PRMT7: variants seen among roughly 807,000 people sequenced by gnomAD.
PRMT7 encodes the protein protein arginine methyltransferase 7.
A neutral mutation model predicts 85.4 loss-of-function variants in PRMT7; 75 were observed. The observed-to-expected ratio is 0.88, with a 90% confidence interval of 0.73 to 1.06. The LOEUF is 1.06. Ranked by LOEUF, PRMT7 falls within the 50% of genes least tolerant of loss-of-function variation. PRMT7 has a pLI of 0.00. For synonymous variants in PRMT7, 397 were observed against 359.5 expected (o/e 1.10, Z -1.18); for missense variants, 868 against 915.2 (o/e 0.95, Z 0.67).
In PRMT7 at chr16:68,352,345, T is replaced by A. The variant is rs1369357186; in HGVS notation, c.1511T>A (p.Leu504Gln). 6.2e-7 allele frequency: 1 copy of A among 1,611,846 alleles called. No homozygotes were observed. Among genetic ancestry groups the A allele is most frequent in the Admixed American group, 1.7e-5 (1 of 60,016 alleles). ...GTGCGGACCGCTGTGGACCAGCACC[T>A]GGGGCCAGGTGCCATGGTGATGCCC... ...WYVRTAVDQH[L>Q]GPGAMVMPQA... Residue 504 changes from leucine (L) to glutamine (Q), a missense_variant, in exon 15 of 19, where the codon CTG becomes CAG. By Grantham distance (113) the Leu-to-Gln change is moderately radical. Coordinates refer to ENST00000441236, the MANE Select transcript of PRMT7 (RefSeq NM_019023.5).
intron 6 of PRMT7, among the ~76,000 whole-genome samples, chr16:68,330,934 A>G (rs2083793542): frequency 6.6e-6 from 1 of 152,156 alleles, no homozygotes; most frequent in South Asian, 2.1e-4. Context: ...GAGTGCTCAA[A>G]TCATTCCATT....
At position 68,358,419 on chromosome 16, in the gene PRMT7, T is replaced by TCAGG. The variant is rs1190862005; in HGVS notation, c.*1196_*1199dup. The TCAGG allele has an allele frequency of 6.5e-6, 1 of 152,716 alleles. No individual in the cohort carries two copies. The highest frequency in any genetic ancestry group is 1.5e-5 in the Non-Finnish European group (1 of 68,040). 9.5% of individuals were successfully genotyped at this position (152,716 alleles called of 1,614,324 possible). ...ACACCTCTCTTCGCAAAATATTTTA[T>TCAGG]CAGGTGTAAAGACTTGTTTTTCTTC... On this transcript the variant is annotated 3_prime_UTR_variant, in exon 19 of 19. Transcript: ENST00000441236.
chr16:68,335,998 A>G (rs1567685854), intron 6 of PRMT7, among the ~76,000 whole-genome samples: 1 of 151,990 alleles, frequency 6.6e-6, no homozygotes, highest in Non-Finnish European at 1.5e-5. Context: ...GTTGGTTTCA[A>G]ACTTCTGACC....
At chr16:68,330,352 G>A (rs2151581018) in intron 6 of PRMT7, among the ~76,000 whole-genome samples, 1 of 152,090 alleles carries the variant, frequency 6.6e-6, no homozygotes, top group Admixed American at 6.5e-5. Context: ...GTGGAGATAG[G>A]GTCTTACTAT....
intron 16 of PRMT7, 86 bp from the exon 17 acceptor site, chr16:68,355,637 A>G (rs1028689965): frequency 9.9e-5 from 133 of 1,342,708 alleles, no homozygotes; most frequent in Non-Finnish European, 1.3e-4. Flanking sequence ...TTGTGACTGC[A>G]GTCAGTGGGA....
intron 3 of PRMT7, among the ~76,000 whole-genome samples, chr16:68,317,112 C>T: frequency 6.6e-6 from 1 of 151,510 alleles, no homozygotes; most frequent in Non-Finnish European, 1.5e-5. Flanking sequence ...GTGGTGGGCG[C>T]CTGTAATCCC....
chr16:68,351,373 T>C (rs2087318808), intron 14 of PRMT7: 2 of 142,132 alleles, frequency 1.4e-5, no homozygotes, highest in African/African-American at 5.1e-5. Flanking sequence ...ACCCGGACTC[T>C]TTCTGCACTC....
chr16:68,333,519 C>T (rs914246076), intron 6 of PRMT7, among the ~76,000 whole-genome samples: 6 of 151,914 alleles, frequency 3.9e-5, no homozygotes, highest in Admixed American at 1.3e-4. Flanking sequence ...AACTAGGTCT[C>T]GCTTTGTTTC....
chr16:68,339,730 T>TA, intron 8 of PRMT7, 58 bp from the exon 9 acceptor site: 1 of 1,588,820 alleles, frequency 6.3e-7, no homozygotes, highest in Non-Finnish European at 8.6e-7. Flanking sequence ...TGTAAAAGCT[T>TA]AAAAAATGGA....
chr16:68,312,488 G>A (rs1486899483), intron 2 of PRMT7, among the ~76,000 whole-genome samples: 1 of 151,934 alleles, frequency 6.6e-6, no homozygotes, highest in Non-Finnish European at 1.5e-5. Flanking sequence ...CTTGCGTCTC[G>A]GCCCCTCACA....
rs2085205258 is a variant in PRMT7, at chr16:68,339,536, T to A, written c.719T>A (p.Val240Asp). ...CAGGTGTCACCAGCCGACTTTACAGTCCTCAGCGATGTGCTGCCCATGTTC... is the reference window on the plus strand; with the variant it reads ...CAGGTGTCACCAGCCGACTTTACAGACCTCAGCGATGTGCTGCCCATGTTC... ...LNQVSPADFT[V>D]LSDVLPMFSI... The change falls in exon 8 of 19, where the codon GTC (valine) becomes GAC (aspartate). Residue 240 changes from valine to aspartate, a missense_variant. Physicochemically the swap from Val to Asp is radical, Grantham distance 152. Coordinates refer to ENST00000441236, the MANE Select transcript of PRMT7 (RefSeq NM_019023.5). 1 of 1,613,990 alleles carries A rather than the reference T, an allele frequency of 6.2e-7. No homozygotes were observed. The highest frequency in any genetic ancestry group is 1.7e-5 in the Admixed American group (1 of 60,024).
chr16:68,341,998 C>T (rs2085613087), intron 9 of PRMT7, among the ~76,000 whole-genome samples: 1 of 151,920 alleles, frequency 6.6e-6, no homozygotes, highest in South Asian at 2.1e-4. Flanking sequence ...TATTAACCAG[C>T]TGGGTGTGGT....
chr16:68,325,831 G>A (rs7194378), intron 5 of PRMT7, among the ~76,000 whole-genome samples: 118,761 of 152,094 alleles, frequency 0.78, 47,183 homozygotes, highest in African/African-American at 0.94. Flanking sequence ...CTAGTCCCCA[G>A]CCCTAACAGA....
chr16:68,354,031 C>T (rs1378141632), intron 16 of PRMT7, among the ~76,000 whole-genome samples: 1 of 152,150 alleles, frequency 6.6e-6, no homozygotes, highest in Non-Finnish European at 1.5e-5. Context: ...AGGACTGAAG[C>T]TGAGAGTCGT....
intron 5 of PRMT7, 103 bp downstream of exon 5, chr16:68,324,935 T>C (rs903937782): frequency 2.1e-6 from 3 of 1,462,068 alleles, no homozygotes; most frequent in African/African-American, 1.4e-5. Flanking sequence ...CATGGAGTGC[T>C]CACTCTGTGC....
chr16:68,347,745 G>T, intron 13 of PRMT7, 67 bp downstream of exon 13: 1 of 1,469,176 alleles, frequency 6.8e-7, no homozygotes, highest in South Asian at 1.2e-5. Context: ...TGGCTTTGAA[G>T]TGGCATTGGC....
At chr16:68,355,560 A>G (rs898620691) in intron 16 of PRMT7, 163 bp from the exon 17 acceptor site, 9 of 623,090 alleles carry the variant, frequency 1.4e-5, no homozygotes, top group African/African-American at 1.1e-4. Flanking sequence ...ATGAGAGAGA[A>G]GTGGCAGAGA....
rs565866977 is a variant in PRMT7, at chr16:68,324,904, G to A, written c.282+72G>A. On this transcript the variant is annotated intron_variant, in intron 5 of 18. Transcript: ENST00000441236. ...TCCCCTATGCTCTTGCACTTTCCCC[G>A]TCTGTTCCTTCACAAACATTCATGG... The A allele has an allele frequency of 2.8e-5, 44 of 1,578,604 alleles. No individual in the cohort carries two copies. In the African/African-American group the frequency reaches 3.9e-4, roughly 14 times the overall value.
At chr16:68,336,248 C>A (rs1166627249) in intron 6 of PRMT7, among the ~76,000 whole-genome samples, 1 of 152,150 alleles carries the variant, frequency 6.6e-6, no homozygotes, top group Non-Finnish European at 1.5e-5. Flanking sequence ...TGGCTCTTGG[C>A]TCATTAAAAA....
Sources: gnomAD v4.1 joint callset for allele counts (sites outside exome capture counted in the v4.1 genomes callset) on GRCh38, gnomAD v4.1.1 for gene constraint, MANE v1.5 for transcripts, NCBI Gene and HGNC (gene_info 2026-07-23, HGNC 2026-07-21) for gene names.